Variants in CYP4X1 observed in about 807,000 individuals in gnomAD.
CYP4X1 encodes the protein cytochrome P450 family 4 subfamily X member 1, also known as cytochrome P450 4X1.
In CYP4X1, 44 loss-of-function variants were observed where a neutral mutation model predicts 57.9. The ratio of observed to expected loss-of-function variants is 0.76; its 90% confidence interval spans 0.60 to 0.98. CYP4X1 has a LOEUF of 0.98. Among genes scored for constraint, CYP4X1 ranks in the 50% least tolerant of loss-of-function variants. The pLI, the probability that CYP4X1 is intolerant of heterozygous loss-of-function variation, is 0.00. For missense variants in CYP4X1, 532 were observed against 623.9 expected, an observed-to-expected ratio of 0.85 and a Z score of 1.57; for synonymous variants, 227 against 228.6, an observed-to-expected ratio of 0.99 and a Z score of 0.06.
At chr1:46,982,076 C>G in the CYP4X1 span, among the ~76,000 whole-genome samples, 2 of 152,104 alleles carry the variant, frequency 1.3e-5, no homozygotes, top group East Asian at 3.8e-4. Context: ...CACATGTATA[C>G]ATATGTAACA....
upstream of CYP4X1, chr1:47,023,634 C>G: frequency 7.5e-7 from 1 of 1,331,748 alleles, no homozygotes; most frequent in Non-Finnish European, 9.6e-7. Flanking sequence ...GCACGCGCGC[C>G]TGCCTCCTCT....
chr1:46,969,889 T>C, the CYP4X1 span, among the ~76,000 whole-genome samples: 4 of 152,370 alleles, frequency 2.6e-5, no homozygotes, highest in South Asian at 8.3e-4. Context: ...GAAATGGAGA[T>C]GTAATTATAT....
At chr1:46,991,395 C>T in the CYP4X1 span, among the ~76,000 whole-genome samples, 3 of 152,144 alleles carry the variant, frequency 2.0e-5, no homozygotes, top group Non-Finnish European at 4.4e-5. Flanking sequence ...GAATATTTAG[C>T]TTGTTCTTAC....
the CYP4X1 span, among the ~76,000 whole-genome samples, chr1:46,991,348 G>C: frequency 6.6e-6 from 1 of 152,088 alleles, no homozygotes; most frequent in East Asian, 1.9e-4. Flanking sequence ...TGTCACAAGG[G>C]GCCTCATTAA....
the CYP4X1 span, among the ~76,000 whole-genome samples, chr1:46,978,978 G>A: frequency 6.6e-6 from 1 of 152,174 alleles, no homozygotes. Context: ...TTAAAGGAGG[G>A]TGTAGAGGGA....
chr1:47,013,389 G>A, the CYP4X1 span, among the ~76,000 whole-genome samples: 1 of 152,104 alleles, frequency 6.6e-6, no homozygotes, highest in South Asian at 2.1e-4. Flanking sequence ...TTTGTAAAGC[G>A]GAAATAGTGA....
upstream of CYP4X1, among the ~76,000 whole-genome samples, chr1:47,022,294 T>C (rs1644006656): frequency 7.1e-6 from 1 of 141,370 alleles, no homozygotes; most frequent in African/African-American, 2.6e-5. Flanking sequence ...TTTTTTTTTT[T>C]TTTTTTTTTT....
intron 6 of CYP4X1, among the ~76,000 whole-genome samples, chr1:47,038,011 G>A (rs151089770): frequency 5.9e-5 from 9 of 152,172 alleles, no homozygotes; most frequent in Non-Finnish European, 8.8e-5. Context: ...GGATGTTCTC[G>A]TGTATTCCAT....
the CYP4X1 span, among the ~76,000 whole-genome samples, chr1:46,971,067 C>G: frequency 1.3e-5 from 2 of 152,026 alleles, no homozygotes; most frequent in African/African-American, 4.8e-5. Flanking sequence ...AATTTTTGAT[C>G]CTTAACCCCC....
chr1:47,011,011 C>T, the CYP4X1 span, among the ~76,000 whole-genome samples: 1 of 152,102 alleles, frequency 6.6e-6, no homozygotes, highest in East Asian at 1.9e-4. Context: ...CAATGCCATC[C>T]CCATCAAGCT....
At chr1:47,013,024 C>T in the CYP4X1 span, among the ~76,000 whole-genome samples, 921 of 152,040 alleles carry the variant, frequency 6.1e-3, 14 homozygotes, top group African/African-American at 0.021. Flanking sequence ...TACCAGCTTT[C>T]AGCTTCACTC....
chr1:46,961,490 C>A, the CYP4X1 span: 2 of 1,125,458 alleles, frequency 1.8e-6, no homozygotes, highest in Non-Finnish European at 2.2e-6. Flanking sequence ...GCTTCCAGAA[C>A]ATTTGAGCCC....
chr1:46,995,797 C>G, the CYP4X1 span, among the ~76,000 whole-genome samples: 135,432 of 152,234 alleles, frequency 0.89, 62,061 homozygotes, highest in East Asian at 1. Flanking sequence ...TGGATGCCAT[C>G]CAAAACCAAC....
intron 8 of CYP4X1, among the ~76,000 whole-genome samples, chr1:47,041,051 T>G (rs1421897599): frequency 1.3e-5 from 2 of 152,198 alleles, no homozygotes; most frequent in Non-Finnish European, 2.9e-5. Flanking sequence ...TTTGTCTTTC[T>G]GTGCCTGGCT....
chr1:46,987,105 C>A, the CYP4X1 span, among the ~76,000 whole-genome samples: 4 of 152,240 alleles, frequency 2.6e-5, no homozygotes, highest in South Asian at 4.1e-4. Context: ...AGTCAAGATC[C>A]ATTGGTGTGC....
chr1:46,991,796 C>T, the CYP4X1 span, among the ~76,000 whole-genome samples: 1 of 152,180 alleles, frequency 6.6e-6, no homozygotes, highest in African/African-American at 2.4e-5. Flanking sequence ...GCACACCTCT[C>T]AGCACATTAG....
In CYP4X1 at chr1:47,030,064, T is replaced by G. The variant is rs767511426; in HGVS notation, c.252T>G (p.Ile84Met). 6 of 1,614,140 alleles carry G rather than the reference T, an allele frequency of 3.7e-6. No homozygotes were observed. Among genetic ancestry groups the G allele is most frequent in the Non-Finnish European group, 4.2e-6 (5 of 1,180,000 alleles). ...EKYPRAFPFW[I>M]GPFQAFFCIY... Reference sequence around the variant, plus strand: ...ACCCTCGTGCCTTCCCTTTCTGGATTGGGCCCTTTCAGGCATTTTTCTGTA... The same window carrying G: ...ACCCTCGTGCCTTCCCTTTCTGGATGGGGCCCTTTCAGGCATTTTTCTGTA... The change falls in exon 2 of 12, where the codon ATT (isoleucine) becomes ATG (methionine). Residue 84 changes from isoleucine to methionine, a missense_variant. Transcript: ENST00000371901.
At chr1:47,051,364 G>A (rs1217698856), downstream of CYP4X1, among the ~76,000 whole-genome samples, 1 of 143,766 alleles carries the variant, frequency 7.0e-6, no homozygotes, top group Non-Finnish European at 1.5e-5. Flanking sequence ...GGGCGACAGA[G>A]CGAGACTCCA....
chr1:46,978,429 T>C, the CYP4X1 span, among the ~76,000 whole-genome samples: 1 of 152,254 alleles, frequency 6.6e-6, no homozygotes, highest in Admixed American at 6.5e-5. Flanking sequence ...AAGAGCTAAC[T>C]ATTCTAAACA....
Sources: allele counts gnomAD v4.1 joint callset (sites outside exome capture counted in the v4.1 genomes callset), GRCh38; gene constraint gnomAD v4.1.1; transcripts MANE v1.5; gene names NCBI Gene and HGNC (gene_info 2026-07-23, HGNC 2026-07-21).